The following CECR2 variants were observed in gnomAD, a reference collection of about 807,000 sequenced individuals.
CECR2 encodes the protein CECR2 histone acetyl-lysine reader.
In CECR2, 30 loss-of-function variants were observed where a neutral mutation model predicts 154.5. The ratio of observed to expected loss-of-function variants is 0.19; its 90% CI spans 0.15 to 0.26. CECR2 has a LOEUF of 0.26. Ranked by LOEUF, CECR2 falls within the 10% of genes least tolerant of loss-of-function variation. The pLI is 1.00. For missense variants in CECR2, 1,743 were observed against 1,829.3 expected (o/e 0.95, Z 0.86); for synonymous variants, 725 against 683.7 (o/e 1.06, Z -0.94).
chr22:17,469,098 A>AAT (rs2146762600), intron 1 of CECR2, among the ~76,000 whole-genome samples: 1 of 151,766 alleles, frequency 6.6e-6, no homozygotes, highest in African/African-American at 2.4e-5. Flanking sequence ...GTACAATTTC[A>AAT]GTGTGTGTGT....
chr22:17,541,335 C>T (rs1278690509), intron 14 of CECR2, among the ~76,000 whole-genome samples: 2 of 152,152 alleles, frequency 1.3e-5, no homozygotes, highest in Non-Finnish European at 2.9e-5. Context: ...TACTCAGCTA[C>T]TCAGGAGGCT....
chr22:17,474,094 T>A (rs2055171186), intron 1 of CECR2, among the ~76,000 whole-genome samples: 1 of 152,178 alleles, frequency 6.6e-6, no homozygotes, highest in African/African-American at 2.4e-5. Context: ...GAAAAGGCTT[T>A]ACTCTCCAGG....
At chr22:17,400,252 C>T (rs1601289339) in intron 1 of CECR2, among the ~76,000 whole-genome samples, 1 of 152,130 alleles carries the variant, frequency 6.6e-6, no homozygotes, top group African/African-American at 2.4e-5. Flanking sequence ...TTTAGGATTA[C>T]CCTCAACTGT....
At chr22:17,512,354 C>T (rs1264231862) in intron 8 of CECR2, among the ~76,000 whole-genome samples, 1 of 151,824 alleles carries the variant, frequency 6.6e-6, no homozygotes. Context: ...AGCACAGAGA[C>T]AGGAAATTAT....
intron 1 of CECR2, among the ~76,000 whole-genome samples, chr22:17,389,928 G>T (rs765437756): frequency 6.6e-6 from 1 of 152,008 alleles, no homozygotes; most frequent in Non-Finnish European, 1.5e-5. Context: ...GTGCCTGGCC[G>T]GAATATTCTC....
intron 1 of CECR2, among the ~76,000 whole-genome samples, chr22:17,447,023 C>T (rs1322222933): frequency 2.3e-5 from 3 of 128,096 alleles, no homozygotes; most frequent in East Asian, 2.7e-4. Flanking sequence ...CTGAGTGGTG[C>T]GTTTACAATC....
chr22:17,438,719 G>A (rs1010241595), intron 1 of CECR2, among the ~76,000 whole-genome samples: 1 of 152,122 alleles, frequency 6.6e-6, no homozygotes, highest in South Asian at 2.1e-4. Context: ...GTGTGGGCCA[G>A]GGAAGCCAAA....
intron 9 of CECR2, among the ~76,000 whole-genome samples, chr22:17,531,227 C>T (rs143133643): frequency 1.9e-4 from 29 of 152,258 alleles, no homozygotes; most frequent in African/African-American, 6.7e-4. Flanking sequence ...AAGGGATCCC[C>T]GTGGTGACAC....
chr22:17,411,797 G>A (rs1478609981), intron 1 of CECR2, among the ~76,000 whole-genome samples: 2 of 151,978 alleles, frequency 1.3e-5, no homozygotes, highest in African/African-American at 4.8e-5. Context: ...GCCTATATAG[G>A]TCTACCTATG....
chr22:17,449,728 A>T (rs554142290), intron 1 of CECR2, among the ~76,000 whole-genome samples: 6 of 152,018 alleles, frequency 3.9e-5, no homozygotes, highest in Non-Finnish European at 7.4e-5. Flanking sequence ...TGACCTCGTG[A>T]TCTGCCCGCC....
intron 8 of CECR2, among the ~76,000 whole-genome samples, chr22:17,523,181 G>A (rs1210945172): frequency 2.6e-5 from 4 of 151,604 alleles, no homozygotes; most frequent in African/African-American, 4.8e-5. Context: ...TCAGAAGTTC[G>A]AGACCAGCCT....
At chr22:17,408,713 A>C (rs17807973) in intron 1 of CECR2, among the ~76,000 whole-genome samples, 2 of 152,204 alleles carry the variant, frequency 1.3e-5, no homozygotes, top group Non-Finnish European at 2.9e-5. Context: ...AGTTCATCCC[A>C]TAGCTAAACA....
chr22:17,536,995 A>G (rs2056446957), intron 9 of CECR2, 108 bp from the exon 10 acceptor site: 1 of 1,367,778 alleles, frequency 7.3e-7, no homozygotes, highest in Non-Finnish European at 9.9e-7. Context: ...GTTGCTTCAT[A>G]ATCCTGCTTT....
chr22:17,370,061 G>T (rs1251894644), intron 1 of CECR2, among the ~76,000 whole-genome samples, 152 bp downstream of exon 1: 1 of 151,366 alleles, frequency 6.6e-6, no homozygotes, highest in African/African-American at 2.4e-5. Context: ...AAGGGCAGGA[G>T]GGCGGGCGGG....
rs1254343474 is a variant in CECR2, at chr22:17,556,551, T to TTC, written c.*3713_*3714dup. The TTC allele has an allele frequency of 6.6e-6, 1 of 152,180 alleles. No homozygotes were observed. Among genetic ancestry groups the TTC allele is most frequent in the Non-Finnish European group, 1.5e-5 (1 of 68,036 alleles). 9.4% of individuals were successfully genotyped at this position (152,180 alleles called of 1,614,324 possible). On this transcript the variant is annotated 3_prime_UTR_variant, in exon 19 of 19. Coordinates refer to ENST00000262608, the MANE Select transcript of CECR2 (RefSeq NM_001290047.2). ...TCAGAAACAAGTTTGCAATCCATAC[T>TTC]TCTTGGTTCAATTTTTTTTTTTAAT...
At chr22:17,385,303 T>C (rs2063245538) in intron 1 of CECR2, among the ~76,000 whole-genome samples, 1 of 152,256 alleles carries the variant, frequency 6.6e-6, no homozygotes, top group Non-Finnish European at 1.5e-5. Flanking sequence ...CTGTTTCAGC[T>C]TTCAGCACGC....
chr22:17,404,132 G>A (rs946031121), intron 1 of CECR2, among the ~76,000 whole-genome samples: 8 of 151,192 alleles, frequency 5.3e-5, no homozygotes, highest in East Asian at 4.0e-4. Flanking sequence ...CATGTTGCAC[G>A]TCTGTACTCC....
intron 1 of CECR2, among the ~76,000 whole-genome samples, chr22:17,447,685 C>G (rs8139065): frequency 6.8e-6 from 1 of 147,392 alleles, no homozygotes. Flanking sequence ...GGGTCGGGGG[C>G]GGTGGGGGGC....
intron 1 of CECR2, among the ~76,000 whole-genome samples, chr22:17,414,694 G>C (rs2054130811): frequency 6.6e-6 from 1 of 151,198 alleles, no homozygotes; most frequent in Non-Finnish European, 1.5e-5. Flanking sequence ...GCCCTGGTGT[G>C]TGATGTTCCC....
Sources: allele counts gnomAD v4.1 joint callset (sites outside exome capture counted in the v4.1 genomes callset), GRCh38; gene constraint gnomAD v4.1.1; transcripts MANE v1.5; gene names NCBI Gene and HGNC (gene_info 2026-07-23, HGNC 2026-07-21).